MYO9B: variants seen among roughly 807,000 people sequenced by gnomAD.
The protein encoded by MYO9B is unconventional myosin-IXb.
MYO9B carries 71 observed loss-of-function variants against 229.5 expected under a neutral mutation model. The ratio of observed to expected loss-of-function variants is 0.31; its 90% CI spans 0.26 to 0.38. The LOEUF is 0.38. MYO9B is among the 10% of genes least tolerant of loss of function. MYO9B has a pLI of 1.00. For missense variants in MYO9B, 2,255 were observed against 2,920.5 expected, an observed-to-expected ratio of 0.77 and a Z score of 5.25; for synonymous variants, 1,185 against 1,235.8, an observed-to-expected ratio of 0.96 and a Z score of 0.86.
chr19:17,108,111 A>T (rs1286530427), intron 2 of MYO9B, among the ~76,000 whole-genome samples: 1 of 152,158 alleles, frequency 6.6e-6, no homozygotes, highest in East Asian at 1.9e-4. Context: ...ACGCCTGCAC[A>T]GTCTCCAGTA....
At chr19:17,184,011 G>A (rs984961314) in intron 16 of MYO9B, 143 bp downstream of exon 16, 7 of 829,368 alleles carry the variant, frequency 8.4e-6, no homozygotes, top group African/African-American at 3.5e-5. Context: ...AAATGTTCTC[G>A]TGTTGAGATG....
At chr19:17,103,047 T>C (rs1473162232) in intron 2 of MYO9B, among the ~76,000 whole-genome samples, 2 of 129,808 alleles carry the variant, frequency 1.5e-5, no homozygotes, top group African/African-American at 2.9e-5. Context: ...CAAGGCCCCC[T>C]CTCTACAAAA....
intron 38 of MYO9B, 127 bp downstream of exon 38, chr19:17,210,975 C>T: frequency 1.9e-6 from 1 of 512,914 alleles, no homozygotes; most frequent in Non-Finnish European, 3.1e-6. Context: ...GGGCAAACAA[C>T]ACTTTTTTTT....
chr19:17,107,383 G>A (rs2057802558), intron 2 of MYO9B, among the ~76,000 whole-genome samples: 1 of 152,228 alleles, frequency 6.6e-6, no homozygotes, highest in Admixed American at 6.5e-5. Context: ...GGGTCTCAAA[G>A]TGGCACGGCC....
chr19:17,076,875 C>T (rs1320211917), intron 1 of MYO9B, among the ~76,000 whole-genome samples: 4 of 152,148 alleles, frequency 2.6e-5, no homozygotes, highest in Non-Finnish European at 5.9e-5. Flanking sequence ...ATGGGTAAAA[C>T]GACATACAGG....
At chr19:17,105,297 C>A (rs1014034500) in intron 2 of MYO9B, among the ~76,000 whole-genome samples, 2 of 107,594 alleles carry the variant, frequency 1.9e-5, no homozygotes, top group Non-Finnish European at 3.5e-5. Flanking sequence ...GCCTGGGCAA[C>A]ATAACAAGAC....
chr19:17,194,953 A>G lies in MYO9B; in HGVS notation c.3526A>G (p.Arg1176Gly), dbSNP rs529803505. The stretch of plus-strand genomic sequence containing the variant: ...GTCCTGCAAGGAGGAGAGTGCCCTC[A>G]GAGAACCTTCCAGAAGGGTCACCCA... Reference protein sequence around the residue: ...IQSCKEESALREPSRRVTQEQ... With the variant: ...IQSCKEESALGEPSRRVTQEQ... Residue 1176 changes from arginine to glycine, a missense_variant, in exon 22 of 40, where the codon AGA becomes GGA. Around this residue, in one of 7 missense-constraint regions of MYO9B, gnomAD observed 679 missense variants for 770.2 expected, o/e 0.88. Coordinates refer to ENST00000682292, the MANE Select transcript of MYO9B (RefSeq NM_004145.4). The G allele has an allele frequency of 6.2e-7, 1 of 1,613,454 alleles. No homozygotes were observed. Among genetic ancestry groups the G allele is most frequent in the South Asian group, 1.1e-5 (1 of 91,084 alleles).
chr19:17,200,603 A>G, intron 25 of MYO9B, 36 bp from the exon 26 acceptor site: 12 of 1,579,784 alleles, frequency 7.6e-6, no homozygotes, highest in Non-Finnish European at 1.0e-5. Context: ...CTCCCCCTGA[A>G]CCCACCCTCA....
intron 2 of MYO9B, among the ~76,000 whole-genome samples, chr19:17,121,463 A>ATATATATATATATATATATATC (rs1030275525): frequency 2.7e-5 from 4 of 149,904 alleles, no homozygotes; most frequent in African/African-American, 5.0e-5. Flanking sequence ...ATATATATAT[A>ATATATATATATATATATATATC]TCCAAGAGCT....
At chr19:17,147,552 A>AAG (rs1000454944) in intron 3 of MYO9B, among the ~76,000 whole-genome samples, 4 of 151,062 alleles carry the variant, frequency 2.6e-5, no homozygotes, top group African/African-American at 9.7e-5. Context: ...CAAAAAAAAA[A>AAG]AAAAAAAAAC....
intron 8 of MYO9B, among the ~76,000 whole-genome samples, chr19:17,160,724 A>G (rs1311399981): frequency 6.7e-6 from 1 of 148,586 alleles, no homozygotes; most frequent in Non-Finnish European, 1.5e-5. Flanking sequence ...TTTTTGAGAC[A>G]GTTTCGCTCC....
intron 2 of MYO9B, among the ~76,000 whole-genome samples, chr19:17,139,741 A>G (rs149236687): frequency 4.3e-4 from 65 of 152,212 alleles, no homozygotes; most frequent in African/African-American, 1.5e-3. Flanking sequence ...CCTGTCTCAA[A>G]AAAACATTGG....
rs772690679 is a variant in MYO9B, at chr19:17,197,819, C to T, written c.4074C>T (p.Ser1358=). The T allele has an allele frequency of 6.2e-6, 10 of 1,613,624 alleles. No homozygotes were observed. The highest frequency in any genetic ancestry group is 5.0e-5 in the Admixed American group (3 of 59,982). The change falls in exon 23 of 40, where the codon AGC becomes AGT. Residue 1358 remains serine, a synonymous_variant. Transcript: ENST00000682292. The part of the protein sequence containing the change: ...TEERRTSFST[S]DVSKLLPSLA... The stretch of plus-strand genomic sequence containing the variant: ...AGAGGCGCACCTCCTTCTCCACGAG[C>T]GACGTCTCCAAGCTCCTCCCGTCCC...
At chr19:17,090,959 C>T (rs1258085115) in intron 1 of MYO9B, among the ~76,000 whole-genome samples, 1 of 152,154 alleles carries the variant, frequency 6.6e-6, no homozygotes, top group African/African-American at 2.4e-5. Flanking sequence ...GGATCTTAAG[C>T]CACAGTAAGA....
intron 2 of MYO9B, among the ~76,000 whole-genome samples, chr19:17,119,447 C>T (rs1166870849): frequency 6.6e-6 from 1 of 152,176 alleles, no homozygotes; most frequent in Non-Finnish European, 1.5e-5. Context: ...GATGGAGTCA[C>T]AGGACACTGA....
intron 10 of MYO9B, among the ~76,000 whole-genome samples, chr19:17,165,077 C>T (rs1599383759): frequency 6.6e-6 from 1 of 152,052 alleles, no homozygotes; most frequent in African/African-American, 2.4e-5. Context: ...GCTATGTTGC[C>T]CAGGCTGGTC....
chr19:17,165,988 G>T (rs1380343376), intron 10 of MYO9B, among the ~76,000 whole-genome samples: 1 of 152,068 alleles, frequency 6.6e-6, no homozygotes, highest in Non-Finnish European at 1.5e-5. Context: ...GGTTCATAAG[G>T]TGCTATCTGG....
Position 17,212,396 on chromosome 19 carries a change from C to T in MYO9B, c.*86C>T. On this transcript the variant is annotated 3_prime_UTR_variant, in exon 40 of 40. Coordinates refer to ENST00000682292, the MANE Select transcript of MYO9B (RefSeq NM_004145.4). The surrounding 1 kb of genome is among the most constrained non-coding windows in gnomAD (Gnocchi z 5.4). ...AGAGCTGCAGAGCTAGTGTTCGGCC[C>T]TCAGAGAAGGATCCAGAATCAAAAG... The T allele has an allele frequency of 7.4e-7, 1 of 1,360,034 alleles. No individual in the cohort carries two copies. Among genetic ancestry groups the T allele is most frequent in the Non-Finnish European group, 9.6e-7 (1 of 1,041,828 alleles). The allele number at this position is 1,360,034 out of a possible 1,614,324, so 84.2% of individuals were successfully genotyped here.
chr19:17,159,270 C>G (rs549543513), intron 7 of MYO9B, 125 bp from the exon 8 acceptor site: 11 of 821,862 alleles, frequency 1.3e-5, no homozygotes, highest in African/African-American at 3.4e-5. Context: ...CACTTCTAGG[C>G]CTGGCTGCTG....
Sources: allele counts gnomAD v4.1 joint callset (sites outside exome capture counted in the v4.1 genomes callset), GRCh38; gene constraint gnomAD v4.1.1; regional missense constraint gnomAD v4.1.1; non-coding constraint Gnocchi (gnomAD v3.1); transcripts MANE v1.5; gene names NCBI Gene and HGNC (gene_info 2026-07-23, HGNC 2026-07-21).